Variants in RBFOX1 observed in about 807,000 individuals in gnomAD.
RBFOX1 encodes the protein RNA binding protein fox-1 homolog 1.
In RBFOX1, 8 loss-of-function variants were observed where a neutral mutation model predicts 57.7. The observed-to-expected ratio is 0.14, with a 90% CI of 0.08 to 0.25. The LOEUF (loss-of-function observed/expected upper bound fraction) is 0.25, where lower values mean the gene tolerates loss of function less well. Among genes scored for constraint, RBFOX1 ranks in the 10% least tolerant of loss-of-function variants. RBFOX1 has a pLI of 1.00. For missense variants in RBFOX1, 611 were observed against 548.5 expected (o/e 1.11, Z -1.14); for synonymous variants, 326 against 222.4 (o/e 1.47, Z -4.15).
chr16:6,038,710 CTG>C (rs1161639117), intron 1 of RBFOX1: 1 of 147,644 alleles, frequency 6.8e-6, no homozygotes, highest in Non-Finnish European at 1.5e-5. Context: ...TAAAATGAAA[CTG>C]TATTTGATTG....
intron 3 of RBFOX1, among the ~76,000 whole-genome samples, chr16:6,993,043 C>T (rs974171758): frequency 1.3e-5 from 2 of 152,164 alleles, no homozygotes; most frequent in East Asian, 1.9e-4. Flanking sequence ...TTTAATTTCG[C>T]AGCTGGAGCC....
intron 3 of RBFOX1, among the ~76,000 whole-genome samples, chr16:6,788,917 C>T (rs908007565): frequency 1.3e-5 from 2 of 152,164 alleles, no homozygotes; most frequent in African/African-American, 4.8e-5. Context: ...TCAGCGTCCC[C>T]AAGCCAACTT....
At chr16:5,856,591 A>ATG (rs2057075350) in intron 3 of RBFOX1, among the ~76,000 whole-genome samples, 3 of 96,080 alleles carry the variant, frequency 3.1e-5, no homozygotes, top group African/African-American at 1.1e-4. Flanking sequence ...ATATATATAT[A>ATG]TATATATATA....
chr16:5,271,395 C>G (rs1323684374), intron 1 of RBFOX1, among the ~76,000 whole-genome samples: 4 of 152,128 alleles, frequency 2.6e-5, no homozygotes, highest in East Asian at 1.9e-4. Context: ...ACATACATAC[C>G]CAGGCTCTAC....
At chr16:7,538,898 C>A (rs185139782) in intron 5 of RBFOX1, among the ~76,000 whole-genome samples, 1 of 141,740 alleles carries the variant, frequency 7.1e-6, no homozygotes, top group East Asian at 2.3e-4. Flanking sequence ...CTAGCTTGAG[C>A]TTCCTCACAG....
rs1467338028 is a variant in RBFOX1 at position 6,478,413 on chromosome 16, ATATATATATATATATATTTTT to A, written c.-64+161358_-64+161378del. 1.7e-3 allele frequency among the ~76,000 whole-genome samples: 37 copies of A among 21,902 alleles called. 3 individuals carry two copies. The highest frequency in any genetic ancestry group is 0.024 in the Middle Eastern group (2 of 84). 14.4% of individuals were successfully genotyped at this position (21,902 alleles called of 152,430 possible). A position where few individuals can be genotyped will look rare whatever the true frequency, so the allele number is the denominator to read the frequency against. On this transcript the variant is annotated intron_variant, in intron 2 of 15. Transcript: ENST00000550418. Reference sequence around the variant, plus strand: ...AATATATATATATATATATATATATATATATATATATATATATTTTTTTTTTTTTTTTTTGTATTTTTAGTA... The same window carrying A: ...AATATATATATATATATATATATATATTTTTTTTTTTTTGTATTTTTAGTA...
At chr16:5,932,542 A>C (rs2059083798) in intron 4 of RBFOX1, among the ~76,000 whole-genome samples, 1 of 152,210 alleles carries the variant, frequency 6.6e-6, no homozygotes, top group South Asian at 2.1e-4. Context: ...TGAGCGAATG[A>C]GTGAGTGTTG....
At chr16:7,624,524 A>G (rs942302944) in intron 10 of RBFOX1, among the ~76,000 whole-genome samples, 2 of 152,230 alleles carry the variant, frequency 1.3e-5, no homozygotes, top group African/African-American at 4.8e-5. Context: ...GGAGTTCAAC[A>G]GATGTACCCC....
At chr16:7,446,337 C>T (rs74323176) in intron 4 of RBFOX1, among the ~76,000 whole-genome samples, 18 of 152,056 alleles carry the variant, frequency 1.2e-4, no homozygotes, top group Admixed American at 2.6e-4. Context: ...CATGTTGTCC[C>T]AGGAATGAAA....
intron 2 of RBFOX1, among the ~76,000 whole-genome samples, chr16:6,441,306 C>T (rs984461920): frequency 5.3e-5 from 8 of 152,188 alleles, no homozygotes; most frequent in African/African-American, 1.9e-4. Flanking sequence ...CCTAAGGGAA[C>T]GAGCTCTCTC....
At chr16:6,876,904 G>A (rs1199487264) in intron 3 of RBFOX1, among the ~76,000 whole-genome samples, 2 of 152,148 alleles carry the variant, frequency 1.3e-5, no homozygotes, top group Non-Finnish European at 1.5e-5. Context: ...AGCCCACCAA[G>A]TACTGGGTAC....
At chr16:7,390,564 A>G (rs4341763) in intron 4 of RBFOX1, among the ~76,000 whole-genome samples, 9,900 of 152,294 alleles carry the variant, frequency 0.065, 398 homozygotes, top group East Asian at 0.2. Flanking sequence ...ATCTTTGCAC[A>G]TCGCAGAGAT....
intron 3 of RBFOX1, among the ~76,000 whole-genome samples, chr16:6,664,048 G>C (rs539742472): frequency 6.6e-6 from 1 of 152,232 alleles, no homozygotes; most frequent in East Asian, 1.9e-4. Flanking sequence ...ATATCACCAT[G>C]AGAAATGGTC....
rs183604221 is a variant in RBFOX1, at chr16:7,086,417, A to G, written c.27+34319A>G. ...TAATTTCTTCTTTATCCATATATCAATAATTGAACACTGCATCAATTAATA... is the reference window on the plus strand; with the variant it reads ...TAATTTCTTCTTTATCCATATATCAGTAATTGAACACTGCATCAATTAATA... On this transcript the variant is annotated intron_variant, in intron 4 of 15. Coordinates refer to ENST00000550418, the MANE Select transcript of RBFOX1 (RefSeq NM_018723.4). Among the ~76,000 whole-genome samples the G allele has an allele frequency of 1.3e-4, 20 of 152,262 alleles. No individual in the cohort carries two copies. The South Asian group carries it at 2.3e-3, about 17-fold the overall frequency.
chr16:5,747,648 T>A (rs537976052), intron 3 of RBFOX1, among the ~76,000 whole-genome samples: 1 of 151,258 alleles, frequency 6.6e-6, no homozygotes, highest in South Asian at 2.1e-4. Flanking sequence ...TTCTTCTAGA[T>A]TTTCTAGTTT....
At chr16:5,399,282 G>A (rs927711220) in intron 1 of RBFOX1, among the ~76,000 whole-genome samples, 2 of 152,152 alleles carry the variant, frequency 1.3e-5, no homozygotes, top group Admixed American at 1.3e-4. Context: ...CCTTAGCCGT[G>A]GATGAGGTCA....
chr16:7,629,391 G>T (rs1218730569), intron 10 of RBFOX1, among the ~76,000 whole-genome samples: 1 of 152,160 alleles, frequency 6.6e-6, no homozygotes. Context: ...CAAGGATATA[G>T]AAAAGTTCCC....
At chr16:6,122,802 A>ATGTGTGTG (rs4038155) in intron 1 of RBFOX1, among the ~76,000 whole-genome samples, 6,582 of 147,780 alleles carry the variant, frequency 0.045, 219 homozygotes, top group South Asian at 0.077. Context: ...ATGTGTGTGT[A>ATGTGTGTG]TGTGTGTGTG....
chr16:5,562,104 A>G (rs1597539666), intron 2 of RBFOX1, among the ~76,000 whole-genome samples: 1 of 152,308 alleles, frequency 6.6e-6, no homozygotes. Context: ...TCTAGCTTAA[A>G]GGCAAAGCTC....
Sources: gnomAD v4.1 joint callset for allele counts (sites outside exome capture counted in the v4.1 genomes callset) on GRCh38, gnomAD v4.1.1 for gene constraint, MANE v1.5 for transcripts, NCBI Gene and HGNC (gene_info 2026-07-23, HGNC 2026-07-21) for gene names.